PSG8: variants seen among roughly 807,000 people sequenced by gnomAD.
PSG8 encodes the protein pregnancy specific beta-1-glycoprotein 8.
Under a neutral mutation model 42.5 loss-of-function variants are expected in PSG8, and 57 were observed. That is an observed-to-expected ratio of 1.34 (90% CI 1.08 to 1.67). The LOEUF (loss-of-function observed/expected upper bound fraction) is 1.67. PSG8 is among the 40% of genes most tolerant of loss of function. PSG8 has a pLI of 0.00. For synonymous variants in PSG8, 280 were observed against 196.8 expected, an observed-to-expected ratio of 1.42 and a Z score of -3.54; for missense variants, 783 against 518.6, an observed-to-expected ratio of 1.51 and a Z score of -4.95.
rs1428649956 is a variant in PSG8, at chr19:42,758,657, C to T, written c.431-377G>A. ...TGGAATCTTCTTAGTTTCAGTCTTA[C>T]TTTGCCGCCCAAGGTATGTTTTCTC... is the stretch of plus-strand genomic sequence containing the variant. On this transcript the variant is annotated intron_variant, in intron 2 of 4. Transcript: ENST00000306511. 9 of 246,674 alleles carry T rather than the reference C, an allele frequency of 3.6e-5. No individual in the cohort carries two copies. In the South Asian group the frequency reaches 6.9e-4, roughly 19 times the overall value. The allele number at this position is 246,674 out of a possible 1,614,324, so 15.3% of individuals were successfully genotyped here.
At chr19:42,754,906 A>G (rs2122235038) in intron 4 of PSG8, 82 bp downstream of exon 4, 2 of 1,568,472 alleles carry the variant, frequency 1.3e-6, no homozygotes, top group East Asian at 2.2e-5. Flanking sequence ...TACTTGGACC[A>G]GAGAGAGAGT....
intron 3 of PSG8, among the ~76,000 whole-genome samples, chr19:42,757,529 G>T (rs58813858): frequency 0.011 from 1,663 of 152,226 alleles, 35 homozygotes; most frequent in African/African-American, 0.039. Context: ...TGAGGCAGGA[G>T]AGCTTGGGGA....
chr19:42,757,904 T>A, intron 3 of PSG8, 98 bp downstream of exon 3: 2 of 1,612,588 alleles, frequency 1.2e-6, no homozygotes, highest in Non-Finnish European at 1.7e-6. Context: ...GGGGTAAAGG[T>A]CTCTGTACTT....
At chr19:42,764,804 T>C (rs1351247961) in intron 1 of PSG8, among the ~76,000 whole-genome samples, 1 of 152,104 alleles carries the variant, frequency 6.6e-6, no homozygotes, top group African/African-American at 2.4e-5. Flanking sequence ...TGATCTTGGT[T>C]GCACCCCAGT....
intron 1 of PSG8, among the ~76,000 whole-genome samples, chr19:42,765,120 C>T (rs1970183218): frequency 6.6e-6 from 1 of 151,824 alleles, no homozygotes; most frequent in African/African-American, 2.4e-5. Flanking sequence ...CCTATCCAGG[C>T]TCCAATAGAG....
At chr19:42,754,084 A>T (rs1969847193), downstream of PSG8, 2 of 1,104,922 alleles carry the variant, frequency 1.8e-6, no homozygotes, top group Non-Finnish European at 2.6e-6. Context: ...CCTCATTATT[A>T]TCAATTATTT....
chr19:42,765,374 G>A (rs1476244186), intron 1 of PSG8, 144 bp downstream of exon 1: 2 of 1,336,014 alleles, frequency 1.5e-6, no homozygotes, highest in East Asian at 2.5e-5. Flanking sequence ...GACTGATCTT[G>A]AACTCCTGAT....
At chr19:42,763,880 T>C (rs1368350349) in intron 2 of PSG8, 36 bp downstream of exon 2, 1 of 1,613,354 alleles carries the variant, frequency 6.2e-7, no homozygotes, top group Non-Finnish European at 8.5e-7. Flanking sequence ...GTGACCCCTG[T>C]CCCCCAACAC....
chr19:42,754,020 AC>A (rs1969845825), downstream of PSG8: 1 of 871,036 alleles, frequency 1.1e-6, no homozygotes, highest in Non-Finnish European at 1.8e-6. Context: ...AATGTAGAAA[AC>A]AAACCATTTA....
intron 2 of PSG8, chr19:42,758,852 G>T (rs1970001135): frequency 6.3e-6 from 1 of 159,346 alleles, no homozygotes; most frequent in African/African-American, 2.4e-5. Flanking sequence ...AGGCAGTGGA[G>T]CCACAAGGTG....
chr19:42,755,452 G>A lies in PSG8; in HGVS notation c.710-186C>T, dbSNP rs372260458. ...GGGCTCAAAGACTATGAGGCCAGCT[G>A]CTCTGTCTTAGGGAAGCACAGACTT... On this transcript the variant is annotated intron_variant, in intron 3 of 4. Transcript: ENST00000306511. 7.0e-5 allele frequency: 89 copies of A among 1,266,470 alleles called. No homozygotes were observed. The East Asian group carries it at 9.5e-4, about 14-fold the overall frequency. The allele number at this position is 1,266,470 out of a possible 1,614,324, so 78.5% of individuals were successfully genotyped here. A position where few individuals can be genotyped will look rare whatever the true frequency, so the allele number is the denominator to read the frequency against.
intron 3 of PSG8, among the ~76,000 whole-genome samples, chr19:42,756,546 G>A (rs535787880): frequency 1.3e-5 from 2 of 152,184 alleles, no homozygotes; most frequent in Non-Finnish European, 2.9e-5. Context: ...AATCTAAAAT[G>A]CTCCAGTGAG....
chr19:42,755,381 C>T, intron 3 of PSG8, 115 bp from the exon 4 acceptor site: 1 of 1,534,390 alleles, frequency 6.5e-7, no homozygotes. Context: ...TCCTTGAAAG[C>T]CAATAGCTGG....
rs753766127 is a variant in PSG8 at position 42,764,091 on chromosome 19, G to T, written c.255C>A (p.Asp85Glu). The change falls in exon 2 of 5, where the codon GAC becomes GAA. Residue 85 changes from aspartate to glutamate, a missense_variant. Transcript: ENST00000306511. ...LYHYITSYVV[D>E]GQIIIYGPAY... is the part of the protein sequence containing the mutation. The stretch of plus-strand genomic sequence containing the variant: ...CAGGCCCATATATAATTATTTGACC[G>T]TCTACTACATATGATGTAATGTAAT... 1 of 1,613,650 alleles carries T rather than the reference G, an allele frequency of 6.2e-7. No homozygotes were observed. The highest frequency in any genetic ancestry group is 1.1e-5 in the South Asian group (1 of 91,064).
In PSG8 at chr19:42,765,541, G is replaced by A; in HGVS notation, c.41C>T (p.Thr14Ile). The stretch of plus-strand genomic sequence containing the variant: ...ACCTGTGAGCAGGAGCCCCTTCCAG[G>A]TGATGCGCTGTGTGCAGGGAGGGGC... ...LSAPPCTQRI[T>I]WKGLLLTASL... Residue 14 changes from threonine to isoleucine, a missense_variant, in exon 1 of 5, where the codon ACC (threonine) becomes ATC (isoleucine). Transcript: ENST00000306511. 6.2e-7 allele frequency: 1 copy of A among 1,611,370 alleles called. No homozygotes were observed. The highest frequency in any genetic ancestry group is 8.5e-7 in the Non-Finnish European group (1 of 1,178,250).
intron 3 of PSG8, among the ~76,000 whole-genome samples, chr19:42,756,422 A>T (rs1969928347): frequency 1.3e-5 from 2 of 152,148 alleles, no homozygotes; most frequent in African/African-American, 2.4e-5. Context: ...CAAATTGAGT[A>T]TTTCTTATGC....
intron 1 of PSG8, among the ~76,000 whole-genome samples, chr19:42,764,815 G>T (rs1970174815): frequency 1.3e-5 from 2 of 152,162 alleles, no homozygotes; most frequent in Non-Finnish European, 2.9e-5. Context: ...GCACCCCAGT[G>T]CCCAGAACAG....
intron 2 of PSG8, among the ~76,000 whole-genome samples, chr19:42,760,840 G>T (rs751893458): frequency 2.0e-5 from 3 of 152,178 alleles, no homozygotes; most frequent in African/African-American, 7.2e-5. Flanking sequence ...GCCTCCGAAA[G>T]TGCTGGTATT....
In PSG8 at chr19:42,754,777, A is replaced by C. The variant is rs1371992157; in HGVS notation, c.989-190T>G. On this transcript the variant is annotated intron_variant, in intron 4 of 4. Coordinates refer to ENST00000306511, the MANE Select transcript of PSG8 (RefSeq NM_182707.3). ...CTCCCATCACAAGCTGTGGGCCCCA[A>C]GTCTCCCATGACAAGAGCGTCCACT... is the stretch of plus-strand genomic sequence containing the variant. 5 of 1,408,688 alleles carry C rather than the reference A, an allele frequency of 3.5e-6. 1 individual carries two copies. Among genetic ancestry groups the C allele is most frequent in the South Asian group, 1.5e-5 (1 of 68,250 alleles). The allele number at this position is 1,408,688 out of a possible 1,614,324, so 87.3% of individuals were successfully genotyped here.
Sources: allele counts gnomAD v4.1 joint callset (sites outside exome capture counted in the v4.1 genomes callset), GRCh38; gene constraint gnomAD v4.1.1; transcripts MANE v1.5; gene names NCBI Gene and HGNC (gene_info 2026-07-23, HGNC 2026-07-21).